Variants in CREB5 observed in about 807,000 individuals in gnomAD.
CREB5 encodes cyclic AMP-responsive element-binding protein 5.
A neutral mutation model predicts 57.1 loss-of-function variants in CREB5; 19 were observed. The ratio of observed to expected loss-of-function variants is 0.33; its 90% CI spans 0.23 to 0.49. CREB5 has a LOEUF of 0.49. CREB5 is among the 20% of genes least tolerant of loss of function. The pLI, the probability that CREB5 is intolerant of heterozygous loss-of-function variation, is 0.99. For missense variants in CREB5, 579 were observed against 671.6 expected, an observed-to-expected ratio of 0.86 and a Z score of 1.52; for synonymous variants, 238 against 238.3, an observed-to-expected ratio of 1.00 and a Z score of 0.01.
intron 7 of CREB5, among the ~76,000 whole-genome samples, chr7:28,758,505 A>G (rs1219650410): frequency 3.3e-5 from 5 of 152,168 alleles, no homozygotes; most frequent in Non-Finnish European, 5.9e-5. Flanking sequence ...GTTGTGACTG[A>G]ACTAGCTTGT....
At chr7:28,466,911 C>A (rs996470234) in intron 1 of CREB5, among the ~76,000 whole-genome samples, 9 of 152,222 alleles carry the variant, frequency 5.9e-5, no homozygotes, top group Admixed American at 4.6e-4. Context: ...AAACAGATGG[C>A]ACACTTGAAG....
chr7:28,652,804 T>C (rs1344915285), intron 5 of CREB5, among the ~76,000 whole-genome samples: 1 of 152,218 alleles, frequency 6.6e-6, no homozygotes, highest in Non-Finnish European at 1.5e-5. Context: ...ATTCCTATGA[T>C]GCTACCCGAA....
At chr7:28,801,241 G>C (rs1284653672) in intron 7 of CREB5, among the ~76,000 whole-genome samples, 10 of 152,182 alleles carry the variant, frequency 6.6e-5, no homozygotes. Flanking sequence ...AGGGGAGAAG[G>C]CTAGGCAAGT....
chr7:28,573,282 T>A (rs1016653223), intron 5 of CREB5, among the ~76,000 whole-genome samples: 2 of 152,346 alleles, frequency 1.3e-5, no homozygotes, highest in Middle Eastern at 3.4e-3. Flanking sequence ...TTATTTTTTT[T>A]GAGGCTGCAC....
chr7:28,758,874 G>T (rs535430029), intron 7 of CREB5, among the ~76,000 whole-genome samples: 82 of 149,650 alleles, frequency 5.5e-4, no homozygotes, highest in African/African-American at 1.9e-3. Flanking sequence ...AATTAGTTTT[G>T]TTAGTTGACT....
At chr7:28,334,422 G>C (rs1042280035) in intron 1 of CREB5, among the ~76,000 whole-genome samples, 2 of 152,146 alleles carry the variant, frequency 1.3e-5, no homozygotes, top group African/African-American at 4.8e-5. Context: ...CTCCCAAAGT[G>C]CTGGGACTAC....
chr7:28,545,845 G>T (rs1318119846), intron 4 of CREB5, among the ~76,000 whole-genome samples: 1 of 152,102 alleles, frequency 6.6e-6, no homozygotes, highest in Non-Finnish European at 1.5e-5. Flanking sequence ...GAATGGTATT[G>T]TGCGTTTCTT....
chr7:28,640,277 T>A (rs915843467), intron 5 of CREB5, among the ~76,000 whole-genome samples: 4 of 152,160 alleles, frequency 2.6e-5, no homozygotes, highest in Admixed American at 2.6e-4. Flanking sequence ...TGCCTACAGG[T>A]TTTCCATGTT....
intron 5 of CREB5, among the ~76,000 whole-genome samples, chr7:28,581,394 G>C (rs1449709150): frequency 6.6e-6 from 1 of 152,142 alleles, no homozygotes; most frequent in Non-Finnish European, 1.5e-5. Context: ...TGGTGAAAAG[G>C]CTCACCAAGC....
At chr7:28,420,807 C>CAAAAAAA (rs10540496) in intron 1 of CREB5, among the ~76,000 whole-genome samples, 1 of 92,966 alleles carries the variant, frequency 1.1e-5, no homozygotes, top group African/African-American at 4.1e-5. Flanking sequence ...GACTCCATCT[C>CAAAAAAA]AAAAAAAAAA....
chr7:28,356,976 G>A (rs1161010646), intron 1 of CREB5, among the ~76,000 whole-genome samples: 1 of 152,050 alleles, frequency 6.6e-6, no homozygotes, highest in African/African-American at 2.4e-5. Context: ...TCTACCACAC[G>A]TGATTATATA....
chr7:28,777,293 A>T (rs910481083), intron 7 of CREB5, among the ~76,000 whole-genome samples: 3 of 152,216 alleles, frequency 2.0e-5, no homozygotes, highest in African/African-American at 7.2e-5. Flanking sequence ...TCCGGTGCTT[A>T]TATCTAACAA....
At chr7:28,648,072 G>A (rs1002175971) in intron 5 of CREB5, among the ~76,000 whole-genome samples, 1 of 152,174 alleles carries the variant, frequency 6.6e-6, no homozygotes, top group African/African-American at 2.4e-5. Flanking sequence ...AGAGTTGGAA[G>A]GGATATTTGA....
At chr7:28,737,568 T>C (rs1421595804) in intron 7 of CREB5, among the ~76,000 whole-genome samples, 2 of 56,972 alleles carry the variant, frequency 3.5e-5, no homozygotes, top group Non-Finnish European at 8.2e-5. Flanking sequence ...TATATATATA[T>C]ATATATATAT....
chr7:28,464,549 A>G (rs1293596913), intron 1 of CREB5, among the ~76,000 whole-genome samples: 1 of 142,070 alleles, frequency 7.0e-6, no homozygotes, highest in Admixed American at 7.1e-5. Context: ...TACTAATGCA[A>G]TCTCTTTGCT....
chr7:28,562,604 T>G (rs1457611852), intron 4 of CREB5, among the ~76,000 whole-genome samples: 2 of 152,200 alleles, frequency 1.3e-5, no homozygotes, highest in African/African-American at 4.8e-5. Context: ...TATATCAGTG[T>G]GCAAGCTGCC....
chr7:28,417,154 C>T (rs182924783), intron 1 of CREB5, among the ~76,000 whole-genome samples: 10 of 152,102 alleles, frequency 6.6e-5, no homozygotes, highest in South Asian at 2.1e-4. Context: ...CAGCACTGTC[C>T]GGTAGTGAGA....
At chr7:28,325,675 TAACTAAGGGACCCTTACTCTAGGTTCCC>T (rs1447968048) in intron 1 of CREB5, among the ~76,000 whole-genome samples, 1 of 152,146 alleles carries the variant, frequency 6.6e-6, no homozygotes. Flanking sequence ...AAGGTCATCT[TAACTAAGGGACCCTTACTCTAGGTTCCC>T]ACTGCCTGGA....
chr7:28,464,000 TAA>T (rs1790456333), intron 1 of CREB5, among the ~76,000 whole-genome samples: 1 of 152,228 alleles, frequency 6.6e-6, no homozygotes, highest in African/African-American at 2.4e-5. Context: ...TTCCTGAACC[TAA>T]GTGTAAAACA....
Sources: gnomAD v4.1 joint callset for allele counts (sites outside exome capture counted in the v4.1 genomes callset) on GRCh38, gnomAD v4.1.1 for gene constraint, MANE v1.5 for transcripts, NCBI Gene and HGNC (gene_info 2026-07-23, HGNC 2026-07-21) for gene names.